PAG1: variants seen among roughly 807,000 people sequenced by gnomAD.
PAG1 encodes the protein phosphoprotein associated with glycosphingolipid-enriched microdomains 1.
A neutral mutation model predicts 31.7 loss-of-function variants in PAG1; 23 were observed. That is an observed-to-expected ratio of 0.73 (90% CI 0.52 to 1.03). PAG1 has a LOEUF of 1.03. Among genes scored for constraint, PAG1 ranks in the 50% least tolerant of loss-of-function variants. The pLI is 0.00. For synonymous variants in PAG1, 214 were observed against 210.3 expected, an observed-to-expected ratio of 1.02 and a Z score of -0.15; for missense variants, 473 against 540.7, an observed-to-expected ratio of 0.87 and a Z score of 1.24.
At position 80,976,558 on chromosome 8, in the gene PAG1, T is replaced by TGCCTTGCTGCA; in HGVS notation, c.1284_1285insTGCAGCAAGGC (p.Ile429CysfsTer17). On this transcript the variant is annotated frameshift_variant, in exon 9 of 9. Transcript: ENST00000220597. LOFTEE classifies it high-confidence loss of function. ...CTTCTGGGTTGCTAGAGCCTGGTAA[T>TGCCTTGCTGCA]ATCTCTGCCTTGCTGCAAGTCACTT... The TGCCTTGCTGCA allele has an allele frequency of 1.9e-6, 3 of 1,612,160 alleles. No homozygotes were observed. The highest frequency in any genetic ancestry group is 2.5e-6 in the Non-Finnish European group (3 of 1,179,356).
chr8:81,018,065 T>C (rs1468348981), intron 3 of PAG1, among the ~76,000 whole-genome samples: 2 of 152,148 alleles, frequency 1.3e-5, no homozygotes, highest in African/African-American at 2.4e-5. Flanking sequence ...CAATAGAAAT[T>C]AAGAAACAAT....
intron 3 of PAG1, among the ~76,000 whole-genome samples, chr8:81,008,664 C>T (rs1051988758): frequency 5.3e-5 from 8 of 151,564 alleles, no homozygotes; most frequent in African/African-American, 1.9e-4. Context: ...CGTTTCCTAA[C>T]AGAGTGGTGT....
chr8:81,022,623 T>C (rs528824862), intron 3 of PAG1, among the ~76,000 whole-genome samples: 1 of 152,322 alleles, frequency 6.6e-6, no homozygotes, highest in Admixed American at 6.5e-5. Flanking sequence ...CCATATATTA[T>C]TGGGAAAATT....
At position 80,987,370 on chromosome 8, in the gene PAG1, T is replaced by C; in HGVS notation, c.274A>G (p.Ile92Val). The change falls in exon 6 of 9, where the codon ATT (isoleucine) becomes GTT (valine). Residue 92 changes from isoleucine (I) to valine (V), a missense_variant and splice_region_variant. Ile to Val is a conservative substitution (Grantham distance 29). Transcript: ENST00000220597. ...AAGCTGGTGTTTTTGCAGAACTTAC[T>C]GTCCCCATTGGTGAGTGCCCCATTC... The part of the protein sequence containing the change: ...EQNGALTNGD[I>V]LSEDSTLTCM... The C allele has an allele frequency of 6.2e-7, 1 of 1,601,150 alleles. No homozygotes were observed. Among genetic ancestry groups the C allele is most frequent in the East Asian group, 2.2e-5 (1 of 44,818 alleles).
intron 7 of PAG1, 96 bp downstream of exon 7, chr8:80,984,680 G>T: frequency 8.6e-7 from 1 of 1,158,642 alleles, no homozygotes. Context: ...AAACTGGAAA[G>T]TGTTTGCAGA....
At chr8:81,091,173 A>G (rs553005068) in intron 1 of PAG1, among the ~76,000 whole-genome samples, 2 of 152,350 alleles carry the variant, frequency 1.3e-5, no homozygotes, top group Admixed American at 1.3e-4. Context: ...GGCCTCCTCT[A>G]TTGAATGGGA....
intron 4 of PAG1, 70 bp downstream of exon 4, chr8:80,993,033 C>T: frequency 7.2e-7 from 1 of 1,392,618 alleles, no homozygotes. Context: ...AACAGGCTTT[C>T]CACAGAAACT....
intron 2 of PAG1, among the ~76,000 whole-genome samples, chr8:81,046,419 A>T (rs1427979674): frequency 1.3e-5 from 2 of 152,160 alleles, no homozygotes; most frequent in Non-Finnish European, 2.9e-5. Context: ...AAACTCCTCA[A>T]TGATAGGAAA....
At position 81,089,574 on chromosome 8, in the gene PAG1, G is replaced by GA. The variant is rs60931968; in HGVS notation, c.-233-19405dup. 4.7e-4 allele frequency among the ~76,000 whole-genome samples: 68 copies of GA among 145,654 alleles called. No individual in the cohort carries two copies. In the East Asian group the frequency reaches 8.1e-3, roughly 17 times the overall value. ...CAGAGCGAGACTCCGTCTCAAAAAG[G>GA]AAAAAAAAAAAAAGAACCCTGAGTT... On this transcript the variant is annotated intron_variant, in intron 1 of 8. Coordinates refer to ENST00000220597, the MANE Select transcript of PAG1 (RefSeq NM_018440.4).
chr8:80,992,479 C>T (rs1807571929), intron 4 of PAG1, among the ~76,000 whole-genome samples: 2 of 152,170 alleles, frequency 1.3e-5, no homozygotes, highest in African/African-American at 4.8e-5. Flanking sequence ...TCCAGAATGT[C>T]CTGAAACATC....
chr8:81,074,961 G>A, intron 1 of PAG1, among the ~76,000 whole-genome samples: 1 of 152,134 alleles, frequency 6.6e-6, no homozygotes, highest in East Asian at 1.9e-4. Flanking sequence ...CTTATGATAT[G>A]GTTAGCAGGC....
chr8:81,013,926 C>T (rs1808027914), intron 3 of PAG1, among the ~76,000 whole-genome samples: 1 of 152,180 alleles, frequency 6.6e-6, no homozygotes, highest in African/African-American at 2.4e-5. Context: ...TATAAATTCT[C>T]TACAGTGCCA....
rs1294301061 is a variant in PAG1, at chr8:80,969,698, T to C, written c.*6846A>G. ...TATAAAGAGAATGAGCAGAGATATCTGTTCTGCTAATTTTGAAAAAAAGTT... is the reference window on the plus strand; with the variant it reads ...TATAAAGAGAATGAGCAGAGATATCCGTTCTGCTAATTTTGAAAAAAAGTT... On this transcript the variant is annotated 3_prime_UTR_variant, in exon 9 of 9. Transcript: ENST00000220597. 6.6e-6 allele frequency: 1 copy of C among 152,222 alleles called. No homozygotes were observed. The highest frequency in any genetic ancestry group is 2.4e-5 in the African/African-American group (1 of 41,458). 9.4% of individuals were successfully genotyped at this position (152,222 alleles called of 1,614,324 possible).
At chr8:80,977,198 C>T (rs1807204340) in intron 8 of PAG1, among the ~76,000 whole-genome samples, 1 of 152,154 alleles carries the variant, frequency 6.6e-6, no homozygotes, top group African/African-American at 2.4e-5. Flanking sequence ...CCTGAAGGCC[C>T]CGGGGACCTG....
intron 2 of PAG1, among the ~76,000 whole-genome samples, chr8:81,036,299 C>T (rs946034438): frequency 5.9e-5 from 9 of 152,138 alleles, no homozygotes; most frequent in Non-Finnish European, 1.0e-4. Context: ...TCTGGATATG[C>T]CTACCAAACC....
chr8:81,033,963 A>G (rs1808422430), intron 2 of PAG1, among the ~76,000 whole-genome samples: 1 of 152,242 alleles, frequency 6.6e-6, no homozygotes, highest in African/African-American at 2.4e-5. Flanking sequence ...TCTCCCTGCT[A>G]TCTGGGTAGA....
At chr8:81,100,283 T>C (rs992223922) in intron 1 of PAG1, among the ~76,000 whole-genome samples, 2 of 152,234 alleles carry the variant, frequency 1.3e-5, no homozygotes, top group African/African-American at 4.8e-5. Flanking sequence ...GCCTAGTAGG[T>C]GTTCAATAAA....
intron 2 of PAG1, among the ~76,000 whole-genome samples, chr8:81,038,345 C>A (rs757001720): frequency 2.0e-5 from 3 of 152,152 alleles, no homozygotes; most frequent in Admixed American, 6.6e-5. Context: ...AACTTCCCAG[C>A]CACAGAAAGG....
chr8:81,009,874 G>A (rs964526954), intron 3 of PAG1, among the ~76,000 whole-genome samples: 1 of 152,158 alleles, frequency 6.6e-6, no homozygotes, highest in Non-Finnish European at 1.5e-5. Flanking sequence ...CTTGGCCTCC[G>A]AAAGTGCTGG....
Sources: gnomAD v4.1 joint callset for allele counts (sites outside exome capture counted in the v4.1 genomes callset) on GRCh38, gnomAD v4.1.1 for gene constraint, MANE v1.5 for transcripts, NCBI Gene and HGNC (gene_info 2026-07-23, HGNC 2026-07-21) for gene names.